The following RNF38 variants were observed in gnomAD, a reference collection of about 807,000 sequenced individuals.
RNF38 encodes the protein ring finger protein 38, also known as E3 ubiquitin-protein ligase RNF38.
RNF38 carries 15 observed loss-of-function variants against 67.2 expected under a neutral mutation model. The observed-to-expected ratio is 0.22, with a 90% CI of 0.15 to 0.34. The LOEUF (loss-of-function observed/expected upper bound fraction) is 0.34. Among genes scored for constraint, RNF38 ranks in the 10% least tolerant of loss-of-function variants. RNF38 has a pLI of 1.00. For missense variants in RNF38, 524 were observed against 639.9 expected, an observed-to-expected ratio of 0.82 and a Z score of 1.95; for synonymous variants, 220 against 218.8, an observed-to-expected ratio of 1.01 and a Z score of -0.05.
At chr9:36,458,803 A>G (rs904006774) in intron 1 of RNF38, among the ~76,000 whole-genome samples, 1 of 152,220 alleles carries the variant, frequency 6.6e-6, no homozygotes, top group African/African-American at 2.4e-5. Context: ...ATATTGAGAA[A>G]CCATAAGTTC....
intron 3 of RNF38, among the ~76,000 whole-genome samples, chr9:36,375,189 GTTT>G (rs1317795278): frequency 1.3e-5 from 2 of 152,102 alleles, no homozygotes; most frequent in African/African-American, 4.8e-5. Context: ...CTCCACAGTT[GTTT>G]TTTGTTTTGT....
chr9:36,373,906 G>A (rs1835584359), intron 3 of RNF38, among the ~76,000 whole-genome samples: 1 of 152,060 alleles, frequency 6.6e-6, no homozygotes, highest in South Asian at 2.1e-4. Context: ...GGTCAGGCTG[G>A]TCTCGAACTC....
chr9:36,365,994 CTA>C (rs1216548598), intron 4 of RNF38, among the ~76,000 whole-genome samples: 2 of 152,054 alleles, frequency 1.3e-5, no homozygotes, highest in African/African-American at 4.8e-5. Context: ...TTTAGTATTA[CTA>C]TGATTTTTTC....
intron 1 of RNF38, among the ~76,000 whole-genome samples, chr9:36,391,547 A>C (rs901332341): frequency 6.6e-6 from 1 of 151,868 alleles, no homozygotes; most frequent in African/African-American, 2.4e-5. Context: ...TCATTCACTC[A>C]ATCCTACATT....
Position 36,371,889 on chromosome 9 carries a change from A to G in RNF38, c.357-1957T>C, listed in dbSNP as rs193191919. ...TGCCCCGTTACACTACATTCTGGGA[A>G]ATTTCCTCCACTTGATCTTCCAGAA... On this transcript the variant is annotated intron_variant, in intron 3 of 11. Transcript: ENST00000259605. 8.1e-3 allele frequency among the ~76,000 whole-genome samples: 1,236 copies of G among 151,922 alleles called. 7 individuals carry two copies. The highest frequency in any genetic ancestry group is 0.015 in the Admixed American group (225 of 15,262).
intron 2 of RNF38, among the ~76,000 whole-genome samples, chr9:36,414,003 C>CTGT (rs1280718437): frequency 6.6e-6 from 1 of 152,176 alleles, no homozygotes. Context: ...TCTTTGTTAA[C>CTGT]TGTTACTGCT....
intron 4 of RNF38, among the ~76,000 whole-genome samples, chr9:36,367,294 G>A (rs982620111): frequency 2.6e-5 from 4 of 151,990 alleles, no homozygotes; most frequent in African/African-American, 4.8e-5. Context: ...TAGCACGCTC[G>A]GTTGTCCTCA....
At chr9:36,453,465 C>A (rs1839509543) in intron 1 of RNF38, among the ~76,000 whole-genome samples, 1 of 151,828 alleles carries the variant, frequency 6.6e-6, no homozygotes, top group African/African-American at 2.4e-5. Flanking sequence ...TCAATGCAAC[C>A]TCCACCTCCT....
At chr9:36,423,918 C>T (rs1838700322) in intron 2 of RNF38, among the ~76,000 whole-genome samples, 1 of 22,118 alleles carries the variant, frequency 4.5e-5, no homozygotes, top group Non-Finnish European at 1.2e-4. Context: ...CACTGCACTC[C>T]AGCCTGGGCG....
intron 8 of RNF38, among the ~76,000 whole-genome samples, chr9:36,351,702 C>T (rs1207166027): frequency 1.3e-5 from 2 of 152,124 alleles, no homozygotes; most frequent in African/African-American, 4.8e-5. Flanking sequence ...AGCACGTGGC[C>T]TTCTGGTATA....
intron 2 of RNF38, among the ~76,000 whole-genome samples, chr9:36,421,146 A>G (rs1838614971): frequency 6.6e-6 from 1 of 152,222 alleles, no homozygotes; most frequent in South Asian, 2.1e-4. Context: ...AAGAAAAATC[A>G]TCTTTTCTTC....
chr9:36,347,142 G>A (rs893759161), intron 9 of RNF38, among the ~76,000 whole-genome samples: 2 of 56,008 alleles, frequency 3.6e-5, no homozygotes, highest in Non-Finnish European at 6.5e-5. Context: ...GGGGGGGGGG[G>A]GGGGGGGAAG....
rs549559098 is a variant in RNF38 at position 36,414,687 on chromosome 9, CAAAAAAAAAA to C, written n.312+9916_312+9925del. Among the ~76,000 whole-genome samples, 114 of 70,076 alleles carry C rather than the reference CAAAAAAAAAA, an allele frequency of 1.6e-3. 2 individuals are homozygous for C. The South Asian group carries it at 0.048, about 30-fold the overall frequency. 46.0% of individuals were successfully genotyped at this position (70,076 alleles called of 152,430 possible). ...GGCAACGAGAGCGAAACTCTGTCTCCAAAAAAAAAAAAAAAAAAAGATTTAGAACTCCTTT... is the reference window on the plus strand; with the variant it reads ...GGCAACGAGAGCGAAACTCTGTCTCCAAAAAAAAAGATTTAGAACTCCTTT... On this transcript the variant is annotated intron_variant and non_coding_transcript_variant, in intron 2 of 3. Transcript: ENST00000488058.
chr9:36,434,713 T>G (rs144206857), intron 1 of RNF38, among the ~76,000 whole-genome samples: 35 of 152,282 alleles, frequency 2.3e-4, no homozygotes, highest in African/African-American at 8.2e-4. Context: ...AAACCAGATA[T>G]TCCAATCCTA....
rs1233017317 is a variant in RNF38 at position 36,400,161 on chromosome 9, C to T, written c.-53G>A. The T allele has an allele frequency of 6.2e-7, 1 of 1,603,056 alleles. No homozygotes were observed. The highest frequency in any genetic ancestry group is 1.3e-5 in the African/African-American group (1 of 74,282). ...TTTTGGACCTCAATAACCTGAAACA[C>T]TCCCGTTTCAAAAACCAACCTCTCT... On this transcript the variant is annotated 5_prime_UTR_variant, in exon 1 of 12. The change creates a new upstream start codon in the 5' untranslated region. Coordinates refer to ENST00000259605, the MANE Select transcript of RNF38 (RefSeq NM_022781.5).
intron 2 of RNF38, among the ~76,000 whole-genome samples, chr9:36,386,969 A>T (rs1422556907): frequency 6.6e-6 from 1 of 152,044 alleles, no homozygotes; most frequent in Non-Finnish European, 1.5e-5. Flanking sequence ...CGCCTGGTTA[A>T]TTTTTGTATT....
At chr9:36,368,755 C>T (rs1696931975) in intron 4 of RNF38, among the ~76,000 whole-genome samples, 1 of 151,750 alleles carries the variant, frequency 6.6e-6, no homozygotes, top group African/African-American at 2.4e-5. Context: ...TTATCTAGTG[C>T]AGTAGATGAA....
intron 1 of RNF38, among the ~76,000 whole-genome samples, chr9:36,436,431 T>C (rs1363153966): frequency 6.6e-6 from 1 of 152,254 alleles, no homozygotes; most frequent in African/African-American, 2.4e-5. Flanking sequence ...GACAGACTCA[T>C]ATAGCATAGT....
intron 4 of RNF38, among the ~76,000 whole-genome samples, chr9:36,367,964 G>C (rs1228124060): frequency 6.6e-6 from 1 of 152,196 alleles, no homozygotes; most frequent in Non-Finnish European, 1.5e-5. Context: ...CGCTTCTCCT[G>C]CTTCAGCCTC....
Sources: gnomAD v4.1 joint callset for allele counts (sites outside exome capture counted in the v4.1 genomes callset) on GRCh38, gnomAD v4.1.1 for gene constraint, MANE v1.5 for transcripts, NCBI Gene and HGNC (gene_info 2026-07-23, HGNC 2026-07-21) for gene names.